The following EPB42 variants were observed in gnomAD, a reference collection of about 807,000 sequenced individuals.
EPB42 encodes protein 4.2.
A neutral mutation model predicts 76.9 loss-of-function variants in EPB42; 49 were observed. The ratio of observed to expected loss-of-function variants is 0.64; its 90% CI spans 0.51 to 0.81. The LOEUF (loss-of-function observed/expected upper bound fraction) is 0.81. EPB42 is among the 30% of genes least tolerant of loss of function. The pLI is 0.00. For missense variants in EPB42, 731 were observed against 867.6 expected (o/e 0.84, Z 1.98); for synonymous variants, 310 against 338.4 (o/e 0.92, Z 0.92).
rs550594911 is a variant in EPB42 at position 43,207,156 on chromosome 15, G to A, written c.1318+43C>T. On this transcript the variant is annotated intron_variant, in intron 9 of 12. Transcript: ENST00000441366. ...GGCCCATCCCTTTCCCTCGCTTGCC[G>A]TTTCAGGTACCGAGAAGCCTGGGGC... 6.0e-5 allele frequency: 97 copies of A among 1,612,852 alleles called. No homozygotes were observed. In the South Asian group the frequency reaches 6.9e-4, roughly 12 times the overall value.
intron 3 of EPB42, among the ~76,000 whole-genome samples, chr15:43,213,539 T>C (rs1465867590): frequency 6.6e-6 from 1 of 151,744 alleles, no homozygotes; most frequent in African/African-American, 2.4e-5. Context: ...GAGTCAAGAG[T>C]GTGGGCACCC....
intron 10 of EPB42, among the ~76,000 whole-genome samples, chr15:43,204,321 C>T (rs1029961579): frequency 2.0e-5 from 3 of 152,066 alleles, no homozygotes; most frequent in African/African-American, 7.2e-5. Flanking sequence ...CCTCTGATCG[C>T]CCCCTAAATG....
At chr15:43,216,560 C>A in intron 1 of EPB42, 107 bp from the exon 2 acceptor site, 2 of 1,287,052 alleles carry the variant, frequency 1.6e-6, no homozygotes, top group Non-Finnish European at 2.2e-6. Flanking sequence ...CTCGGCTCCA[C>A]TTACGTTTTA....
upstream of EPB42, among the ~76,000 whole-genome samples, chr15:43,225,660 T>C (rs1220809638): frequency 1.3e-5 from 2 of 152,128 alleles, no homozygotes; most frequent in Non-Finnish European, 2.9e-5. Context: ...AGACAAACAA[T>C]ACTAAGTGCG....
At chr15:43,211,376 C>T (rs756257755) in intron 4 of EPB42, 40 bp downstream of exon 4, 3 of 1,247,588 alleles carry the variant, frequency 2.4e-6, no homozygotes, top group Non-Finnish European at 3.5e-6. Flanking sequence ...GGTTATGGGA[C>T]AGTCACTCTA....
chr15:43,224,609 G>T (rs1326252277), upstream of EPB42, among the ~76,000 whole-genome samples: 1 of 152,052 alleles, frequency 6.6e-6, no homozygotes, highest in African/African-American at 2.4e-5. Context: ...TATATTCAAG[G>T]CATTGATATT....
Position 43,216,329 on chromosome 15 carries a change from G to C in EPB42, c.135C>G (p.Phe45Leu). ...GCAGAAATGCACGGACTGGAGCGCG[G>C]AAGTACAGGATGATGGTGAAGGGCT... ...RGQPFTIILY[F>L]RAPVRAFLPA... is the part of the protein sequence containing the mutation. The change falls in exon 2 of 13, where the codon TTC becomes TTG. Residue 45 changes from phenylalanine to leucine, a missense_variant. Coordinates refer to ENST00000441366, the MANE Select transcript of EPB42 (RefSeq NM_001114134.2). The C allele has an allele frequency of 6.2e-7, 1 of 1,614,230 alleles. No individual in the cohort carries two copies. Among genetic ancestry groups the C allele is most frequent in the Non-Finnish European group, 8.5e-7 (1 of 1,180,050 alleles).
upstream of EPB42, among the ~76,000 whole-genome samples, chr15:43,225,338 A>G (rs1238662527): frequency 1.3e-5 from 2 of 152,268 alleles, no homozygotes; most frequent in Admixed American, 1.3e-4. Flanking sequence ...TTTAGGGGAA[A>G]GAAAAGTCTG....
intron 4 of EPB42, 24 bp from the exon 5 acceptor site, chr15:43,210,463 T>C (rs1459861243): frequency 1.2e-6 from 2 of 1,605,618 alleles, no homozygotes; most frequent in South Asian, 1.1e-5. Flanking sequence ...CACAGGGCCA[T>C]GATGAAGGGT....
intron 1 of EPB42, among the ~76,000 whole-genome samples, chr15:43,218,855 T>C (rs932431288): frequency 6.6e-6 from 1 of 152,224 alleles, no homozygotes; most frequent in African/African-American, 2.4e-5. Context: ...TCTCTCCCAC[T>C]GGGTCTTGAG....
intron 9 of EPB42, 50 bp downstream of exon 9, chr15:43,207,149 G>A (rs1209663208): frequency 6.2e-6 from 10 of 1,611,644 alleles, no homozygotes; most frequent in Middle Eastern, 1.8e-4. Context: ...CCTTTCCCTC[G>A]CTTGCCGTTT....
Position 43,207,461 on chromosome 15 carries a change from G to A in EPB42, c.1076-20C>T, listed in dbSNP as rs1462243758. ...CCAGGACTGAGGGAGAGAAAGGTTG[G>A]TGAGCATGGGAGCTGCGCCTAGACC... On this transcript the variant is annotated intron_variant, in intron 8 of 12. Coordinates refer to ENST00000441366, the MANE Select transcript of EPB42 (RefSeq NM_001114134.2). The A allele has an allele frequency of 1.2e-6, 2 of 1,612,462 alleles. No individual in the cohort carries two copies. Among genetic ancestry groups the A allele is most frequent in the South Asian group, 2.2e-5 (2 of 91,014 alleles).
chr15:43,219,493 A>C (rs927833167), intron 1 of EPB42, among the ~76,000 whole-genome samples: 111 of 152,280 alleles, frequency 7.3e-4, no homozygotes, highest in African/African-American at 2.5e-3. Flanking sequence ...ATACTCAGTG[A>C]TTCTCATCTG....
At position 43,200,400 on chromosome 15, in the gene EPB42, A is replaced by C. The variant is rs565747379; in HGVS notation, c.1913+1444T>G. On this transcript the variant is annotated intron_variant, in intron 12 of 12. Transcript: ENST00000441366. ...CTGTTCAACTAAGGATGCAGTAGAC[A>C]TAATGAAAGAAGATATTTGCAACGT... Among the ~76,000 whole-genome samples, 85 of 152,342 alleles carry C rather than the reference A, an allele frequency of 5.6e-4. 1 individual carries two copies. Among genetic ancestry groups the C allele is most frequent in the Admixed American group, 1.2e-3 (19 of 15,294 alleles).
chr15:43,220,694 C>T, intron 1 of EPB42, 122 bp downstream of exon 1: 1 of 1,579,692 alleles, frequency 6.3e-7, no homozygotes, highest in South Asian at 1.1e-5. Flanking sequence ...CCCCCTCCCC[C>T]ACCATAGTTA....
chr15:43,215,499 C>A (rs976353182), intron 2 of EPB42, among the ~76,000 whole-genome samples, 171 bp from the exon 3 acceptor site: 1 of 152,104 alleles, frequency 6.6e-6, no homozygotes, highest in Non-Finnish European at 1.5e-5. Flanking sequence ...AGAGCAAAGG[C>A]TTTTGGCACC....
chr15:43,220,785 G>T (rs771653498), intron 1 of EPB42, 31 bp downstream of exon 1: 1 of 1,613,106 alleles, frequency 6.2e-7, no homozygotes. Flanking sequence ...ATACAGTCCA[G>T]CAAGCCCTGT....
Position 43,211,438 on chromosome 15 carries a change from G to A in EPB42, c.527C>T (p.Ala176Val). The change falls in exon 4 of 13, where the codon GCA (alanine) becomes GTA (valine). Residue 176 changes from alanine to valine, a missense_variant. Ala to Val is a moderately conservative substitution (Grantham distance 64). Transcript: ENST00000441366. ...TACCTGGCCAAAGTCCCAGGACTCT[G>A]CCTGGATGCAGTCAGCTGTACCCAG... ...IYLGTADCIQAESWDFGQFEG... is the reference protein window; with the variant it reads ...IYLGTADCIQVESWDFGQFEG... The A allele has an allele frequency of 6.2e-7, 1 of 1,612,688 alleles. No individual in the cohort carries two copies. Among genetic ancestry groups the A allele is most frequent in the Admixed American group, 1.7e-5 (1 of 60,032 alleles).
At chr15:43,203,312 T>G (rs1466065693) in intron 10 of EPB42, 37 bp from the exon 11 acceptor site, 2 of 1,613,366 alleles carry the variant, frequency 1.2e-6, no homozygotes, top group Non-Finnish European at 1.7e-6. Context: ...TGGCAACAGG[T>G]GTATGTACCC....
Sources: gnomAD v4.1 joint callset for allele counts (sites outside exome capture counted in the v4.1 genomes callset) on GRCh38, gnomAD v4.1.1 for gene constraint, MANE v1.5 for transcripts, NCBI Gene and HGNC (gene_info 2026-07-23, HGNC 2026-07-21) for gene names.